ZNF490: variants seen among roughly 807,000 people sequenced by gnomAD.
The protein encoded by ZNF490 is zinc finger protein 490.
A neutral mutation model predicts 17.7 loss-of-function variants in ZNF490; 11 were observed. That is an observed-to-expected ratio of 0.62 (90% CI 0.39 to 1.03). ZNF490 has a LOEUF of 1.03. ZNF490 is among the 50% of genes least tolerant of loss of function. ZNF490 has a pLI of 0.00. For synonymous variants in ZNF490, 222 were observed against 216.1 expected (o/e 1.03, Z -0.24); for missense variants, 542 against 643.4 (o/e 0.84, Z 1.71).
At position 12,581,200 on chromosome 19, in the gene ZNF490, G is replaced by C; in HGVS notation, c.875C>G (p.Pro292Arg). The change falls in exon 5 of 5, where the codon CCT (proline) becomes CGT (arginine). Residue 292 changes from proline to arginine, a missense_variant. Pro to Arg is a moderately radical substitution (Grantham distance 103, BLOSUM62 -2). Coordinates refer to ENST00000311437, the MANE Select transcript of ZNF490 (RefSeq NM_020714.3). The stretch of plus-strand genomic sequence containing the variant: ...GTGAGTCCTTTCGTGGGTTAGAAAA[G>C]GCTGGTAATATATAAAGGCTTTTCC... The part of the protein sequence containing the change: ...QCGKAFIYYQ[P>R]FLTHERTHTG... The C allele has an allele frequency of 6.2e-7, 1 of 1,610,432 alleles. No homozygotes were observed. Among genetic ancestry groups the C allele is most frequent in the Non-Finnish European group, 8.5e-7 (1 of 1,177,018 alleles).
chr19:12,576,802 A>G lies in ZNF490; in HGVS notation c.*3683T>C, dbSNP rs1199269375. Among the ~76,000 whole-genome samples the G allele has an allele frequency of 7.1e-6, 1 of 141,558 alleles. No individual in the cohort carries two copies. Among genetic ancestry groups the G allele is most frequent in the Non-Finnish European group, 1.5e-5 (1 of 65,670 alleles). 92.9% of individuals were successfully genotyped at this position (141,558 alleles called of 152,430 possible). A position where few individuals can be genotyped will look rare whatever the true frequency, so the allele number is the denominator to read the frequency against. Reference sequence around the variant, plus strand: ...ACTGCACTCCAGCCTGGCAACAGTGAGAATCCATCTCAAAAAAAAAAAAAA... The same window carrying G: ...ACTGCACTCCAGCCTGGCAACAGTGGGAATCCATCTCAAAAAAAAAAAAAA... On this transcript the variant is annotated 3_prime_UTR_variant, in exon 5 of 5. Coordinates refer to ENST00000311437, the MANE Select transcript of ZNF490 (RefSeq NM_020714.3).
At chr19:12,582,440 G>T (rs776262675) in intron 4 of ZNF490, among the ~76,000 whole-genome samples, 1 of 151,892 alleles carries the variant, frequency 6.6e-6, no homozygotes, top group South Asian at 2.1e-4. Context: ...CTGTCACCAG[G>T]CTGCAGTGCA....
intron 2 of ZNF490, among the ~76,000 whole-genome samples, chr19:12,589,113 G>A (rs1230942099): frequency 6.6e-6 from 1 of 152,150 alleles, no homozygotes; most frequent in Non-Finnish European, 1.5e-5. Context: ...CCTGAGGTCA[G>A]GACTTCGAGA....
intron 2 of ZNF490, among the ~76,000 whole-genome samples, chr19:12,592,065 C>T (rs1286664922): frequency 2.0e-5 from 3 of 152,132 alleles, no homozygotes; most frequent in African/African-American, 4.8e-5. Flanking sequence ...CAGCTGGGCG[C>T]GGTGGCTCAC....
rs1276532528 is a variant in ZNF490 at position 12,581,411 on chromosome 19, A to T, written c.664T>A (p.Tyr222Asn). ...HERIHTGEKP[Y>N]ECKECGKAFA... ...GCTTTGCCACATTCCTTACATTCAT[A>T]GGGTTTCTCTCCAGTGTGAATTCTT... is the stretch of plus-strand genomic sequence containing the variant. The change falls in exon 5 of 5, where the codon TAT (tyrosine) becomes AAT (asparagine). Residue 222 changes from tyrosine (Y) to asparagine (N), a missense_variant. Coordinates refer to ENST00000311437, the MANE Select transcript of ZNF490 (RefSeq NM_020714.3). The T allele has an allele frequency of 1.2e-6, 2 of 1,614,216 alleles. No individual in the cohort carries two copies. Among genetic ancestry groups the T allele is most frequent in the Non-Finnish European group, 8.5e-7 (1 of 1,180,028 alleles).
In ZNF490 at chr19:12,609,174, C is replaced by T; in HGVS notation, c.146G>A (p.Ser49Asn). Residue 49 changes from serine (S) to asparagine (N), a missense_variant, in exon 2 of 5, where the codon AGC (serine) becomes AAC (asparagine). Physicochemically the swap from Ser to Asn is conservative, Grantham distance 46. Transcript: ENST00000311437. ...QMQNSEHHGQSIKTQTDSISL... is the reference protein window; with the variant it reads ...QMQNSEHHGQNIKTQTDSISL... ...CTCACTTACAGTTTGAGTCTTGATG[C>T]TTTGTCCATGGTGTTCACTGTTCTG... 2 of 1,614,124 alleles carry T rather than the reference C, an allele frequency of 1.2e-6. No homozygotes were observed. Among genetic ancestry groups the T allele is most frequent in the South Asian group, 2.2e-5 (2 of 91,074 alleles).
intron 2 of ZNF490, among the ~76,000 whole-genome samples, chr19:12,594,688 T>C (rs1247097807): frequency 1.3e-5 from 2 of 151,934 alleles, no homozygotes; most frequent in Admixed American, 1.3e-4. Context: ...CCAAATGATG[T>C]TGTGGGTGCC....
rs903545028 is a variant in ZNF490, at chr19:12,577,945, C to T, written c.*2540G>A. On this transcript the variant is annotated 3_prime_UTR_variant, in exon 5 of 5. Coordinates refer to ENST00000311437, the MANE Select transcript of ZNF490 (RefSeq NM_020714.3). Reference sequence around the variant, plus strand: ...TATCGTGCCTATGCAATTCAGAAAACGGAGAATTCGGAGGCTCCAGCAAGC... The same window carrying T: ...TATCGTGCCTATGCAATTCAGAAAATGGAGAATTCGGAGGCTCCAGCAAGC... 4.4e-5 allele frequency: 43 copies of T among 985,282 alleles called. No homozygotes were observed. The highest frequency in any genetic ancestry group is 5.2e-4 in the Middle Eastern group (1 of 1,936). The allele number at this position is 985,282 out of a possible 1,614,324, so 61.0% of individuals were successfully genotyped here.
intron 2 of ZNF490, among the ~76,000 whole-genome samples, chr19:12,598,428 G>A (rs1037021540): frequency 6.6e-6 from 1 of 150,888 alleles, no homozygotes; most frequent in Non-Finnish European, 1.5e-5. Flanking sequence ...AGGCTGGAGT[G>A]CAGTGGCGTG....
At position 12,586,362 on chromosome 19, in the gene ZNF490, T is replaced by C. The variant is rs1300870342; in HGVS notation, c.163-2806A>G. 2.1e-5 allele frequency among the ~76,000 whole-genome samples: 2 copies of C among 94,156 alleles called. 1 individual carries two copies. The highest frequency in any genetic ancestry group is 2.0e-4 in the Admixed American group (2 of 10,038). 61.8% of individuals were successfully genotyped at this position (94,156 alleles called of 152,430 possible). Reference sequence around the variant, plus strand: ...ATACAATGAAACAATATTCTATTTCTTTCTGCATGTTTCACAATTGAAGAA... The same window carrying C: ...ATACAATGAAACAATATTCTATTTCCTTCTGCATGTTTCACAATTGAAGAA... On this transcript the variant is annotated intron_variant, in intron 2 of 4. Coordinates refer to ENST00000311437, the MANE Select transcript of ZNF490 (RefSeq NM_020714.3).
intron 2 of ZNF490, among the ~76,000 whole-genome samples, chr19:12,599,387 G>A (rs1463135927): frequency 6.6e-6 from 1 of 152,094 alleles, no homozygotes; most frequent in Admixed American, 6.6e-5. Flanking sequence ...AAGAATTTAT[G>A]AAAGGGAACT....
intron 2 of ZNF490, among the ~76,000 whole-genome samples, chr19:12,593,626 T>C (rs1276034937): frequency 6.6e-6 from 1 of 152,124 alleles, no homozygotes; most frequent in Non-Finnish European, 1.5e-5. Flanking sequence ...CATGTGCAGA[T>C]GGGATTTATT....
In ZNF490 at chr19:12,599,393, G is replaced by A. The variant is rs558777546; in HGVS notation, c.162+9765C>T. Among the ~76,000 whole-genome samples, 16 of 152,164 alleles carry A rather than the reference G, an allele frequency of 1.1e-4. No individual in the cohort carries two copies. In the East Asian group the frequency reaches 3.1e-3, roughly 29 times the overall value. ...AAGTCATGAAAGAATTTATGAAAGGGAACTTATGGAAGAAATGTTGTAGAA... is the reference window on the plus strand; with the variant it reads ...AAGTCATGAAAGAATTTATGAAAGGAAACTTATGGAAGAAATGTTGTAGAA... On this transcript the variant is annotated intron_variant, in intron 2 of 4. Transcript: ENST00000311437.
At chr19:12,606,196 T>A (rs1174747583) in intron 2 of ZNF490, among the ~76,000 whole-genome samples, 1 of 151,370 alleles carries the variant, frequency 6.6e-6, no homozygotes, top group Non-Finnish European at 1.5e-5. Context: ...AGGATTTTTT[T>A]TTTTTTTCAT....
chr19:12,603,240 A>G lies in ZNF490; in HGVS notation c.162+5918T>C, dbSNP rs548579843. 3.9e-5 allele frequency among the ~76,000 whole-genome samples: 6 copies of G among 152,148 alleles called. No individual in the cohort carries two copies. The South Asian group carries it at 1.2e-3, about 32-fold the overall frequency. ...TATTTGGGCTGCCTGTAATCCCACC[A>G]TGTTGGGAGGCTGAGGCAGGCAGGA... On this transcript the variant is annotated intron_variant, in intron 2 of 4. Coordinates refer to ENST00000311437, the MANE Select transcript of ZNF490 (RefSeq NM_020714.3).
intron 1 of ZNF490, among the ~76,000 whole-genome samples, chr19:12,610,129 T>C (rs2023127599): frequency 6.6e-6 from 1 of 151,356 alleles, no homozygotes; most frequent in South Asian, 2.1e-4. Context: ...GAAGAGTCCC[T>C]GTGCCCAGGT....
In ZNF490 at chr19:12,578,430, C is replaced by T; in HGVS notation, c.*2055G>A. ...TGTGTGTCCCATGATACAGGCTCTGCTTCTTCAGTCTCTCACCTCAGAGCC... is the reference window on the plus strand; with the variant it reads ...TGTGTGTCCCATGATACAGGCTCTGTTTCTTCAGTCTCTCACCTCAGAGCC... On this transcript the variant is annotated 3_prime_UTR_variant, in exon 5 of 5. Transcript: ENST00000311437. 1.0e-6 allele frequency: 1 copy of T among 985,454 alleles called. No individual in the cohort carries two copies. Among genetic ancestry groups the T allele is most frequent in the Non-Finnish European group, 1.2e-6 (1 of 829,978 alleles). 61.0% of individuals were successfully genotyped at this position (985,454 alleles called of 1,614,324 possible).
At chr19:12,592,177 A>G (rs559689867) in intron 2 of ZNF490, among the ~76,000 whole-genome samples, 1 of 152,306 alleles carries the variant, frequency 6.6e-6, no homozygotes, top group African/African-American at 2.4e-5. Flanking sequence ...CTCTACTAAA[A>G]ATACAAAAAT....
At chr19:12,597,426 C>G in intron 2 of ZNF490, 1 of 271,370 alleles carries the variant, frequency 3.7e-6, no homozygotes, top group Non-Finnish European at 7.5e-6. Flanking sequence ...GAGCTAGCTT[C>G]CCAGAGTGGG....
Sources: gnomAD v4.1 joint callset for allele counts (sites outside exome capture counted in the v4.1 genomes callset) on GRCh38, gnomAD v4.1.1 for gene constraint, MANE v1.5 for transcripts, NCBI Gene and HGNC (gene_info 2026-07-23, HGNC 2026-07-21) for gene names.